NMNAT2: variants seen among roughly 807,000 people sequenced by gnomAD.
NMNAT2 encodes the protein nicotinamide nucleotide adenylyltransferase 2, also known as nicotinamide/nicotinic acid mononucleotide adenylyltransferase 2.
In NMNAT2, 11 loss-of-function variants were observed where a neutral mutation model predicts 41.6. The ratio of observed to expected loss-of-function variants is 0.26; its 90% CI spans 0.17 to 0.44. The LOEUF is 0.44. NMNAT2 is among the 20% of genes least tolerant of loss of function. The pLI is 1.00. For synonymous variants in NMNAT2, 148 were observed against 151.2 expected (o/e 0.98, Z 0.16); for missense variants, 288 against 407.7 (o/e 0.71, Z 2.53).
At chr1:183,340,282 G>A (rs1370355790) in intron 1 of NMNAT2, among the ~76,000 whole-genome samples, 4 of 151,124 alleles carry the variant, frequency 2.6e-5, no homozygotes, top group Non-Finnish European at 5.9e-5. Context: ...CAAAGTGGCT[G>A]ATAGCCATTT....
intron 1 of NMNAT2, among the ~76,000 whole-genome samples, chr1:183,391,797 C>T (rs1648488664): frequency 6.6e-6 from 1 of 152,174 alleles, no homozygotes; most frequent in South Asian, 2.1e-4. Context: ...CTTACTTGTC[C>T]TCTCAGAAAT....
chr1:183,301,805 C>A (rs1661861047), intron 1 of NMNAT2, among the ~76,000 whole-genome samples: 1 of 152,188 alleles, frequency 6.6e-6, no homozygotes. Context: ...ACTCAGTGAA[C>A]CTGGCTGACA....
intron 1 of NMNAT2, among the ~76,000 whole-genome samples, chr1:183,307,730 A>G (rs556666766): frequency 1.3e-5 from 2 of 152,284 alleles, no homozygotes; most frequent in East Asian, 1.9e-4. Context: ...GGCGTGAGTC[A>G]TGCATTCAGC....
intron 1 of NMNAT2, among the ~76,000 whole-genome samples, chr1:183,301,377 G>A (rs1172825546): frequency 2.6e-5 from 4 of 152,240 alleles, no homozygotes; most frequent in Non-Finnish European, 5.9e-5. Context: ...TGCATGACAA[G>A]GGCATTTCTG....
intron 10 of NMNAT2, among the ~76,000 whole-genome samples, chr1:183,260,142 C>T (rs1442921204): frequency 6.6e-6 from 1 of 152,114 alleles, no homozygotes; most frequent in Non-Finnish European, 1.5e-5. Context: ...AGCCGTCCTC[C>T]ACCCTTGAGC....
At chr1:183,317,918 T>C (rs912759059) in intron 1 of NMNAT2, among the ~76,000 whole-genome samples, 2 of 152,240 alleles carry the variant, frequency 1.3e-5, no homozygotes, top group African/African-American at 4.8e-5. Flanking sequence ...GATTCTATGC[T>C]GAGCACTAGA....
At chr1:183,253,370 G>A (rs1207494648) in intron 10 of NMNAT2, among the ~76,000 whole-genome samples, 5 of 149,680 alleles carry the variant, frequency 3.3e-5, no homozygotes, top group Non-Finnish European at 7.4e-5. Context: ...AATGGTTACT[G>A]TAGTGGACCA....
chr1:183,328,501 G>C (rs1378475059), intron 1 of NMNAT2, among the ~76,000 whole-genome samples: 4 of 152,218 alleles, frequency 2.6e-5, no homozygotes, highest in Non-Finnish European at 5.9e-5. Flanking sequence ...AGTCCTTTCT[G>C]AGGGAGATGG....
intron 8 of NMNAT2, 124 bp from the exon 9 acceptor site, chr1:183,261,427 C>A (rs1225594103): frequency 2.4e-6 from 2 of 827,322 alleles, no homozygotes; most frequent in East Asian, 5.3e-5. Flanking sequence ...TAGTCCCAAA[C>A]CGGCCTTCTT....
At chr1:183,371,475 G>T (rs1251453067) in intron 1 of NMNAT2, among the ~76,000 whole-genome samples, 1 of 152,186 alleles carries the variant, frequency 6.6e-6, no homozygotes, top group Admixed American at 6.5e-5. Flanking sequence ...GCCTCTGAGT[G>T]GTGTGTGGAT....
intron 8 of NMNAT2, among the ~76,000 whole-genome samples, chr1:183,261,611 T>G (rs1205669175): frequency 6.6e-6 from 1 of 152,206 alleles, no homozygotes; most frequent in East Asian, 1.9e-4. Flanking sequence ...CCCGTTAAGT[T>G]CACAATGCTG....
chr1:183,299,101 G>A (rs12076457), intron 1 of NMNAT2, among the ~76,000 whole-genome samples: 16,262 of 152,266 alleles, frequency 0.11, 964 homozygotes, highest in Middle Eastern at 0.14. Context: ...GCTGGGCACC[G>A]TGGCTCATGC....
At chr1:183,399,680 C>A (rs1287443462) in intron 1 of NMNAT2, among the ~76,000 whole-genome samples, 2 of 152,100 alleles carry the variant, frequency 1.3e-5, no homozygotes, top group Non-Finnish European at 2.9e-5. Context: ...ACTGACAAAC[C>A]AAATCCAGCA....
chr1:183,340,750 T>C (rs1297725170), intron 1 of NMNAT2, among the ~76,000 whole-genome samples: 1 of 152,174 alleles, frequency 6.6e-6, no homozygotes, highest in Non-Finnish European at 1.5e-5. Flanking sequence ...CAAGCTGGGC[T>C]GACGAAACAT....
intron 1 of NMNAT2, among the ~76,000 whole-genome samples, chr1:183,294,295 T>A (rs1661623498): frequency 1.3e-5 from 2 of 152,188 alleles, no homozygotes; most frequent in South Asian, 4.1e-4. Context: ...GAATTAGCAA[T>A]CAACCCAGAA....
At chr1:183,333,202 G>A (rs1249065158) in intron 1 of NMNAT2, among the ~76,000 whole-genome samples, 4 of 152,198 alleles carry the variant, frequency 2.6e-5, no homozygotes, top group Non-Finnish European at 2.9e-5. Flanking sequence ...GGTCACTCCA[G>A]CACTCAGAGG....
intron 1 of NMNAT2, among the ~76,000 whole-genome samples, chr1:183,372,285 A>G (rs1448648354): frequency 3.3e-5 from 5 of 152,224 alleles, no homozygotes; most frequent in Admixed American, 1.3e-4. Context: ...TCAAACCAGA[A>G]AAAACAGAGA....
At chr1:183,335,693 T>A (rs1557881651) in intron 1 of NMNAT2, among the ~76,000 whole-genome samples, 1 of 152,258 alleles carries the variant, frequency 6.6e-6, no homozygotes, top group Non-Finnish European at 1.5e-5. Context: ...ACATTGCGCA[T>A]ACTCCTTTTT....
At position 183,376,755 on chromosome 1, in the gene NMNAT2, C is replaced by T. The variant is rs1168555624; in HGVS notation, c.85+41428G>A. 2.6e-5 allele frequency among the ~76,000 whole-genome samples: 4 copies of T among 152,154 alleles called. No homozygotes were observed. In the East Asian group the frequency reaches 7.7e-4, roughly 29 times the overall value. ...GACTGTGTGGTAGGTAGAATGAAGA[C>T]AAGCCTGTTTTCCATTAAATATCAT... On this transcript the variant is annotated intron_variant, in intron 1 of 10. Coordinates refer to ENST00000287713, the MANE Select transcript of NMNAT2 (RefSeq NM_015039.4).
Sources: gnomAD v4.1 joint callset for allele counts (sites outside exome capture counted in the v4.1 genomes callset) on GRCh38, gnomAD v4.1.1 for gene constraint, MANE v1.5 for transcripts, NCBI Gene and HGNC (gene_info 2026-07-23, HGNC 2026-07-21) for gene names.